CACNA2D3: variants seen among roughly 807,000 people sequenced by gnomAD.
CACNA2D3 encodes voltage-dependent calcium channel subunit alpha-2/delta-3.
Under a neutral mutation model 160.6 loss-of-function variants are expected in CACNA2D3, and 60 were observed. The ratio of observed to expected loss-of-function variants is 0.37; its 90% confidence interval spans 0.30 to 0.46. The LOEUF (loss-of-function observed/expected upper bound fraction) is 0.46, where lower values mean the gene tolerates loss of function less well. Ranked by LOEUF, CACNA2D3 falls within the 20% of genes least tolerant of loss-of-function variation. The pLI is 1.00. For missense variants in CACNA2D3, 1,205 were observed against 1,365.0 expected (o/e 0.88, Z 1.85); for synonymous variants, 558 against 492.9 (o/e 1.13, Z -1.75).
intron 22 of CACNA2D3, 32 bp downstream of exon 22, chr3:54,885,358 G>C: frequency 6.2e-7 from 1 of 1,612,954 alleles, no homozygotes. Flanking sequence ...CTTGACCATG[G>C]CATCCTTCAT....
At chr3:54,911,074 A>T (rs186754002) in intron 27 of CACNA2D3, among the ~76,000 whole-genome samples, 146 of 152,220 alleles carry the variant, frequency 9.6e-4, no homozygotes, top group Admixed American at 2.3e-3. Flanking sequence ...TTTTAAATCA[A>T]ATCTTAGTCA....
At position 54,896,796 on chromosome 3, in the gene CACNA2D3, A is replaced by G. The variant is rs1247843634; in HGVS notation, c.2294A>G (p.His765Arg). 1.2e-6 allele frequency: 2 copies of G among 1,613,794 alleles called. No homozygotes were observed. The highest frequency in any genetic ancestry group is 2.2e-5 in the East Asian group (1 of 44,890). The change falls in exon 26 of 38, where the codon CAT (histidine) becomes CGT (arginine). Residue 765 changes from histidine to arginine, a missense_variant. By Grantham distance (29) the His-to-Arg change is conservative. This residue lies in a region of CACNA2D3 where 911 missense variants were observed against 1,002.2 expected (regional missense o/e 0.91). Coordinates refer to ENST00000474759, the MANE Select transcript of CACNA2D3 (RefSeq NM_018398.3). Reference protein sequence around the residue: ...GDKENIFNADHFPLWYRRAAE... With the variant: ...GDKENIFNADRFPLWYRRAAE... The stretch of plus-strand genomic sequence containing the variant: ...AAGGAGAACATTTTTAACGCAGACC[A>G]TTTCCCTCTCTGGTACCGAAGAGCC...
Position 54,715,658 on chromosome 3 carries a change from A to G in CACNA2D3, c.1168-36941A>G, listed in dbSNP as rs533647210. On this transcript the variant is annotated intron_variant, in intron 11 of 37. Transcript: ENST00000474759. ...TCGTTAGCATACAAAAGACACTCCT[A>G]TCACTGGAGATCCAAGTATTTTATG... Among the ~76,000 whole-genome samples the G allele has an allele frequency of 2.0e-3, 301 of 152,226 alleles. 1 individual carries two copies. The highest frequency in any genetic ancestry group is 0.014 in the Middle Eastern group (4 of 294).
chr3:54,352,760 G>A (rs974578388), intron 3 of CACNA2D3, among the ~76,000 whole-genome samples: 2 of 152,224 alleles, frequency 1.3e-5, no homozygotes, highest in African/African-American at 4.8e-5. Context: ...ACACACCAAT[G>A]TTAGCAACAA....
intron 2 of CACNA2D3, among the ~76,000 whole-genome samples, chr3:54,171,427 A>G (rs976531243): frequency 6.6e-6 from 1 of 152,128 alleles, no homozygotes; most frequent in African/African-American, 2.4e-5. Context: ...ATTGGAGATC[A>G]TGCTGCCCTA....
intron 4 of CACNA2D3, among the ~76,000 whole-genome samples, chr3:54,492,759 A>C (rs1041960729): frequency 2.6e-5 from 4 of 152,346 alleles, no homozygotes; most frequent in Admixed American, 1.3e-4. Context: ...CCTTAAACTC[A>C]GCTCTCCCTG....
intron 11 of CACNA2D3, among the ~76,000 whole-genome samples, chr3:54,648,000 A>C (rs1185324368): frequency 6.6e-6 from 1 of 152,258 alleles, no homozygotes; most frequent in Non-Finnish European, 1.5e-5. Flanking sequence ...CAGGAAATAA[A>C]GCTGCATTCA....
At chr3:54,379,804 G>A (rs1285985399) in intron 3 of CACNA2D3, among the ~76,000 whole-genome samples, 2 of 152,186 alleles carry the variant, frequency 1.3e-5, no homozygotes, top group Non-Finnish European at 2.9e-5. Context: ...TGTCTTCTGG[G>A]AAGCTTCCTT....
intron 14 of CACNA2D3, among the ~76,000 whole-genome samples, chr3:54,819,800 A>C (rs1224113055): frequency 6.6e-6 from 1 of 151,594 alleles, no homozygotes; most frequent in African/African-American, 2.4e-5. Context: ...AGCCGAGATC[A>C]CACTACTGCA....
At chr3:54,839,118 C>G (rs544465452) in intron 16 of CACNA2D3, among the ~76,000 whole-genome samples, 57 of 152,156 alleles carry the variant, frequency 3.7e-4, no homozygotes, top group African/African-American at 1.4e-3. Flanking sequence ...ATTAGCCGGT[C>G]GTGATGGCAG....
intron 6 of CACNA2D3, among the ~76,000 whole-genome samples, chr3:54,564,481 G>A (rs954665241): frequency 6.6e-6 from 1 of 152,172 alleles, no homozygotes; most frequent in South Asian, 2.1e-4. Context: ...CTTGATAAAT[G>A]TCATGTGGCC....
intron 2 of CACNA2D3, chr3:54,177,722 T>C (rs954032641): frequency 1.3e-5 from 2 of 152,158 alleles, no homozygotes; most frequent in Non-Finnish European, 2.9e-5. Flanking sequence ...TACTTCACGC[T>C]CTTCTGATTG....
chr3:54,825,981 T>TG (rs1405141906), intron 14 of CACNA2D3, among the ~76,000 whole-genome samples: 1 of 152,216 alleles, frequency 6.6e-6, no homozygotes, highest in Non-Finnish European at 1.5e-5. Context: ...ATAGCTTTTC[T>TG]TTACTTTTTG....
In CACNA2D3 at chr3:54,349,147, G is replaced by T. The variant is rs141022376; in HGVS notation, c.321+28589G>T. Among the ~76,000 whole-genome samples the T allele has an allele frequency of 9.2e-3, 1,395 of 152,256 alleles. 20 individuals carry two copies. Among genetic ancestry groups the T allele is most frequent in the African/African-American group, 0.032 (1,312 of 41,536 alleles). On this transcript the variant is annotated intron_variant, in intron 3 of 37. Transcript: ENST00000474759. ...AGAAAACTAAAGAAAGGCATTTTGG[G>T]GACGGGGTGCTGAGTTTCTGAGCTG...
At chr3:54,261,631 C>G (rs1199320657) in intron 2 of CACNA2D3, among the ~76,000 whole-genome samples, 4 of 152,180 alleles carry the variant, frequency 2.6e-5, no homozygotes, top group African/African-American at 9.7e-5. Context: ...ACTAAAATTC[C>G]TCATTCACAT....
At chr3:54,341,367 A>T (rs909875639) in intron 3 of CACNA2D3, among the ~76,000 whole-genome samples, 1 of 152,160 alleles carries the variant, frequency 6.6e-6, no homozygotes, top group African/African-American at 2.4e-5. Context: ...GTTCCAAGCT[A>T]TAGTGCCCAT....
intron 2 of CACNA2D3, among the ~76,000 whole-genome samples, chr3:54,204,392 A>G (rs936859888): frequency 1.3e-5 from 2 of 152,122 alleles, no homozygotes; most frequent in Non-Finnish European, 2.9e-5. Context: ...CTTGGCTAAT[A>G]TAAGTGCCCA....
intron 8 of CACNA2D3, among the ~76,000 whole-genome samples, chr3:54,581,178 C>T (rs1702670407): frequency 6.6e-6 from 1 of 152,178 alleles, no homozygotes; most frequent in South Asian, 2.1e-4. Flanking sequence ...AGAATACTCA[C>T]ATTTTTGCTA....
At chr3:55,070,871 T>C (rs77916602) in intron 35 of CACNA2D3, among the ~76,000 whole-genome samples, 1,778 of 152,316 alleles carry the variant, frequency 0.012, 38 homozygotes, top group African/African-American at 0.039. Flanking sequence ...AAAAGAAGAA[T>C]GTGTAATCAG....
Sources: gnomAD v4.1 joint callset for allele counts (sites outside exome capture counted in the v4.1 genomes callset) on GRCh38, gnomAD v4.1.1 for gene constraint, gnomAD v4.1.1 regional missense constraint, MANE v1.5 for transcripts, NCBI Gene and HGNC (gene_info 2026-07-23, HGNC 2026-07-21) for gene names.